The following RALGPS1 variants were observed in gnomAD, a reference collection of about 807,000 sequenced individuals.
RALGPS1 encodes Ral GEF with PH domain and SH3 binding motif 1, also known as ras-specific guanine nucleotide-releasing factor RalGPS1.
In RALGPS1, 19 loss-of-function variants were observed where a neutral mutation model predicts 78.8. That is an observed-to-expected ratio of 0.24 (90% CI 0.17 to 0.35). RALGPS1 has a LOEUF of 0.35. Among genes scored for constraint, RALGPS1 ranks in the 10% least tolerant of loss-of-function variants. The pLI is 1.00. For missense variants in RALGPS1, 454 were observed against 688.3 expected (o/e 0.66, Z 3.81); for synonymous variants, 228 against 256.3 (o/e 0.89, Z 1.06).
chr9:126,998,616 C>A (rs1285360437), intron 4 of RALGPS1, among the ~76,000 whole-genome samples: 1 of 152,160 alleles, frequency 6.6e-6, no homozygotes, highest in Non-Finnish European at 1.5e-5. Flanking sequence ...GTGGCAATTC[C>A]TCAGGGATCT....
At chr9:127,177,267 A>G (rs992947634) in intron 11 of RALGPS1, among the ~76,000 whole-genome samples, 3 of 152,048 alleles carry the variant, frequency 2.0e-5, no homozygotes, top group African/African-American at 7.2e-5. Flanking sequence ...CACTAGCCCA[A>G]GTGTGGAGGA....
Position 127,218,687 on chromosome 9 carries a change from T to G in RALGPS1, c.1645-53T>G. ...CCCTTCCCCTAGGGACCACCACCCC[T>G]TGTCCTTCTCTGAGGTCGGAACTTT... On this transcript the variant is annotated intron_variant, in intron 18 of 18. Coordinates refer to ENST00000259351, the MANE Select transcript of RALGPS1 (RefSeq NM_014636.3). The surrounding 1 kb of genome is among the most constrained non-coding windows in gnomAD (Gnocchi z 4.4). 1.3e-6 allele frequency: 2 copies of G among 1,582,916 alleles called. No individual in the cohort carries two copies. The highest frequency in any genetic ancestry group is 1.7e-6 in the Non-Finnish European group (2 of 1,151,734).
intron 4 of RALGPS1, among the ~76,000 whole-genome samples, chr9:126,999,049 G>A (rs1312090868): frequency 1.4e-5 from 2 of 146,000 alleles, no homozygotes; most frequent in Admixed American, 1.4e-4. Flanking sequence ...GATAGCATTA[G>A]GAGATATACC....
At chr9:126,951,415 C>G (rs1387376828) in intron 1 of RALGPS1, among the ~76,000 whole-genome samples, 1 of 151,036 alleles carries the variant, frequency 6.6e-6, no homozygotes, top group East Asian at 2.0e-4. Context: ...TGCAAAAATC[C>G]TCAATAAAAT....
intron 5 of RALGPS1, among the ~76,000 whole-genome samples, chr9:127,042,322 C>G (rs555149508): frequency 6.6e-6 from 1 of 152,188 alleles, no homozygotes; most frequent in East Asian, 1.9e-4. Context: ...CACCATGACC[C>G]ACTGGGGTTA....
chr9:126,992,261 T>C (rs2042345037), intron 4 of RALGPS1, among the ~76,000 whole-genome samples: 1 of 152,236 alleles, frequency 6.6e-6, no homozygotes, highest in African/African-American at 2.4e-5. Context: ...TTTTCAGCGT[T>C]ATTGAGGTAT....
intron 18 of RALGPS1, among the ~76,000 whole-genome samples, chr9:127,216,507 G>A (rs2062587229): frequency 6.6e-6 from 1 of 152,196 alleles, no homozygotes; most frequent in Non-Finnish European, 1.5e-5. Context: ...GGACCCTATT[G>A]TGTGACACTT....
At chr9:126,950,079 C>T (rs28823940) in intron 1 of RALGPS1, among the ~76,000 whole-genome samples, 57,897 of 151,564 alleles carry the variant, frequency 0.38, 12,785 homozygotes, top group Non-Finnish European at 0.48. Context: ...GAATCCTTTC[C>T]CCATTGCTTG....
chr9:127,222,114 C>G lies in RALGPS1; in HGVS notation c.*3345C>G, dbSNP rs2062788338. The G allele has an allele frequency of 1.3e-5, 2 of 152,246 alleles. No individual in the cohort carries two copies. The highest frequency in any genetic ancestry group is 2.4e-5 in the African/African-American group (1 of 41,460). The allele number at this position is 152,246 out of a possible 1,614,324, so 9.4% of individuals were successfully genotyped here. A position where few individuals can be genotyped will look rare whatever the true frequency, so the allele number is the denominator to read the frequency against. ...TTCATTTATTCATTCACAGCACTAG[C>G]AAGTGCTGCCTATGCTGAGAACAAG... On this transcript the variant is annotated 3_prime_UTR_variant, in exon 19 of 19. Transcript: ENST00000259351.
chr9:126,949,044 C>T (rs1015403989), intron 1 of RALGPS1, among the ~76,000 whole-genome samples: 3 of 151,434 alleles, frequency 2.0e-5, no homozygotes, highest in African/African-American at 7.3e-5. Context: ...CAATTCCCAT[C>T]TGTGAGTGAG....
chr9:127,106,274 G>A (rs1424404144), intron 8 of RALGPS1, among the ~76,000 whole-genome samples: 1 of 152,082 alleles, frequency 6.6e-6, no homozygotes, highest in Non-Finnish European at 1.5e-5. Context: ...TTACCCTCTC[G>A]GTATTCTATC....
At chr9:127,014,030 A>G (rs1360000555) in intron 4 of RALGPS1, among the ~76,000 whole-genome samples, 2 of 152,164 alleles carry the variant, frequency 1.3e-5, no homozygotes, top group African/African-American at 4.8e-5. Context: ...GTGTCCTCCT[A>G]AGCTTTGCAC....
rs57764057 is a variant in RALGPS1, at chr9:126,978,606, CAAAAAA to C, written c.216+872_216+877del. ...CCTGGACAAAAGAGCGAGACTCTGT[CAAAAAA>C]AAAAAAAAAAGTAGCTGAATAGGCT... On this transcript the variant is annotated intron_variant, in intron 4 of 18. Coordinates refer to ENST00000259351, the MANE Select transcript of RALGPS1 (RefSeq NM_014636.3). Among the ~76,000 whole-genome samples the C allele has an allele frequency of 3.6e-5, 4 of 110,620 alleles. 1 individual carries two copies. The highest frequency in any genetic ancestry group is 1.3e-4 in the African/African-American group (4 of 31,520). The allele number at this position is 110,620 out of a possible 152,430, so 72.6% of individuals were successfully genotyped here.
At chr9:127,144,507 T>C (rs1419826360) in intron 8 of RALGPS1, among the ~76,000 whole-genome samples, 1 of 152,250 alleles carries the variant, frequency 6.6e-6, no homozygotes, top group Non-Finnish European at 1.5e-5. Flanking sequence ...TCAGGGTATA[T>C]ACCCAAAAGT....
In RALGPS1 at chr9:127,183,994, T is replaced by A; in HGVS notation, c.910+9212T>A. On this transcript the variant is annotated intron_variant, in intron 11 of 18. Transcript: ENST00000259351. The surrounding 1 kb of genome is among the most constrained non-coding windows in gnomAD (Gnocchi z 4.0). The stretch of plus-strand genomic sequence containing the variant: ...GAGTACCAGCGGCTCCCCCAGCATC[T>A]GCTGCTCCGCGCTCCCCGTGGCCTA... The A allele has an allele frequency of 6.5e-7, 1 of 1,550,202 alleles. No homozygotes were observed. Among genetic ancestry groups the A allele is most frequent in the Non-Finnish European group, 8.7e-7 (1 of 1,146,926 alleles).
chr9:127,202,485 A>G (rs1194762502), intron 14 of RALGPS1, among the ~76,000 whole-genome samples: 1 of 151,998 alleles, frequency 6.6e-6, no homozygotes. Context: ...CTCGGTGGGA[A>G]TGGGTCTGTT....
At chr9:126,981,610 T>G (rs2041252003) in intron 4 of RALGPS1, among the ~76,000 whole-genome samples, 1 of 152,212 alleles carries the variant, frequency 6.6e-6, no homozygotes, top group Admixed American at 6.5e-5. Flanking sequence ...GTGTGCAGGC[T>G]CTAGGCTAGG....
At chr9:127,008,698 C>A (rs780371329) in intron 4 of RALGPS1, among the ~76,000 whole-genome samples, 2 of 152,180 alleles carry the variant, frequency 1.3e-5, no homozygotes, top group African/African-American at 2.4e-5. Context: ...CCTGCTCTAC[C>A]ACAACCAGAT....
At chr9:127,069,662 CCT>C in intron 8 of RALGPS1, 1 of 211,444 alleles carries the variant, frequency 4.7e-6, no homozygotes, top group Non-Finnish European at 9.4e-6. Context: ...TCATCCACAT[CCT>C]CCTGAACTGG....
Sources: gnomAD v4.1 joint callset for allele counts (sites outside exome capture counted in the v4.1 genomes callset) on GRCh38, gnomAD v4.1.1 for gene constraint, Gnocchi (gnomAD v3.1) non-coding constraint, MANE v1.5 for transcripts, NCBI Gene and HGNC (gene_info 2026-07-23, HGNC 2026-07-21) for gene names.